The following WDR19 variants were observed in gnomAD, a reference collection of about 807,000 sequenced individuals.
The protein encoded by WDR19 is WD repeat domain 19, also known as WD repeat-containing protein 19.
A neutral mutation model predicts 180.0 loss-of-function variants in WDR19; 121 were observed. That is an observed-to-expected ratio of 0.67 (90% CI 0.58 to 0.78). The LOEUF is 0.78. Ranked by LOEUF, WDR19 falls within the 30% of genes least tolerant of loss-of-function variation. The pLI is 0.00. For synonymous variants in WDR19, 497 were observed against 540.7 expected, an observed-to-expected ratio of 0.92 and a Z score of 1.12; for missense variants, 1,450 against 1,640.7, an observed-to-expected ratio of 0.88 and a Z score of 2.01.
intron 8 of WDR19, 101 bp downstream of exon 8, chr4:39,205,367 AT>A: frequency 8.1e-7 from 1 of 1,237,276 alleles, no homozygotes; most frequent in Non-Finnish European, 1.1e-6. Context: ...GTAACATTCA[AT>A]TCTATACGTC....
intron 36 of WDR19, among the ~76,000 whole-genome samples, chr4:39,284,775 A>G (rs1244301001): frequency 1.3e-5 from 2 of 152,124 alleles, no homozygotes; most frequent in East Asian, 1.9e-4. Context: ...AACACTATCA[A>G]TCAATCATGG....
intron 33 of WDR19, 50 bp from the exon 34 acceptor site, chr4:39,276,970 C>T (rs374855680): frequency 1.2e-5 from 20 of 1,606,544 alleles, no homozygotes; most frequent in South Asian, 6.7e-5. Context: ...TTGCCATCCC[C>T]GGTACATGAA....
chr4:39,285,162 C>CTGTT (rs903854259), intron 36 of WDR19, among the ~76,000 whole-genome samples: 1 of 151,886 alleles, frequency 6.6e-6, no homozygotes, highest in Non-Finnish European at 1.5e-5. Context: ...ACAAATATAA[C>CTGTT]TGTTTAATTT....
At chr4:39,210,130 C>A (rs921077358) in intron 9 of WDR19, among the ~76,000 whole-genome samples, 1 of 152,134 alleles carries the variant, frequency 6.6e-6, no homozygotes, top group African/African-American at 2.4e-5. Flanking sequence ...TTAAAAATCT[C>A]TTCTAGAAAA....
chr4:39,282,345 A>G (rs956932532), intron 36 of WDR19, among the ~76,000 whole-genome samples: 6 of 152,190 alleles, frequency 3.9e-5, no homozygotes, highest in African/African-American at 1.2e-4. Context: ...TGAATATGGT[A>G]TATCTCTACA....
chr4:39,205,905 A>G, intron 9 of WDR19, 169 bp downstream of exon 9: 4 of 639,814 alleles, frequency 6.3e-6, no homozygotes, highest in South Asian at 2.5e-5. Context: ...AAAACAAAGT[A>G]TAGTTGAAAA....
intron 28 of WDR19, among the ~76,000 whole-genome samples, chr4:39,259,204 G>C (rs1734047048): frequency 6.6e-6 from 1 of 152,196 alleles, no homozygotes; most frequent in Non-Finnish European, 1.5e-5. Flanking sequence ...TTAGGTATAT[G>C]GTGTAAGGTA....
intron 30 of WDR19, among the ~76,000 whole-genome samples, chr4:39,268,987 TTGAAAGGA>T (rs1452153386): frequency 1.3e-5 from 2 of 151,802 alleles, no homozygotes; most frequent in African/African-American, 4.8e-5. Flanking sequence ...TACCTGAGTT[TTGAAAGGA>T]TGGGGGAGCA....
intron 27 of WDR19, among the ~76,000 whole-genome samples, 154 bp downstream of exon 27, chr4:39,256,114 C>A (rs954139357): frequency 1.4e-4 from 20 of 141,390 alleles, no homozygotes; most frequent in African/African-American, 5.1e-4. Flanking sequence ...ATATTCCTCT[C>A]CCTCCCACAC....
intron 5 of WDR19, among the ~76,000 whole-genome samples, chr4:39,196,091 T>A (rs4974924): frequency 0.3 from 45,222 of 151,958 alleles, 6,788 homozygotes; most frequent in Non-Finnish European, 0.31. Flanking sequence ...ATCTTCCTAC[T>A]TGTCATTGTA....
In WDR19 at chr4:39,182,579, A is replaced by C; in HGVS notation, c.6+16A>C. ...GGAGATGAAGGTAAATAACTTACAA[A>C]TTCCCGGGGTGGGGCGGGAAAACGC... On this transcript the variant is annotated intron_variant, in intron 1 of 36. Transcript: ENST00000399820. 6.2e-7 allele frequency: 1 copy of C among 1,613,614 alleles called. No individual in the cohort carries two copies. The highest frequency in any genetic ancestry group is 8.5e-7 in the Non-Finnish European group (1 of 1,179,702).
intron 1 of WDR19, among the ~76,000 whole-genome samples, chr4:39,185,050 T>C (rs1003676578): frequency 2.0e-5 from 3 of 152,212 alleles, no homozygotes. Flanking sequence ...TTTTTCCAGT[T>C]GTTGAAATCT....
Position 39,234,834 on chromosome 4 carries a change from A to T in WDR19, c.2322A>T (p.Ile774=). 6.3e-7 allele frequency: 1 copy of T among 1,576,894 alleles called. No individual in the cohort carries two copies. Among genetic ancestry groups the T allele is most frequent in the Non-Finnish European group, 8.6e-7 (1 of 1,160,036 alleles). The change falls in exon 20 of 37, where the codon ATA becomes ATT. Residue 774 remains isoleucine (I), a synonymous_variant. Coordinates refer to ENST00000399820, the MANE Select transcript of WDR19 (RefSeq NM_025132.4). ...CAAAGCATTTGGCCCCAGACCAGAT[A>T]CCTTTTATATCAAAAGAATATGCTA... ...QLAKHLAPDQ[I]PFISKEYAIQ... is the part of the protein sequence containing the mutation.
chr4:39,271,533 C>G (rs115952122), intron 31 of WDR19, among the ~76,000 whole-genome samples: 3,501 of 152,174 alleles, frequency 0.023, 131 homozygotes, highest in African/African-American at 0.08. Context: ...CACACCATGG[C>G]ACTCCAGCCT....
In WDR19 at chr4:39,272,585, C is replaced by T. The variant is rs182907098; in HGVS notation, c.3484-395C>T. Reference sequence around the variant, plus strand: ...CTCAGGCCTTCTGCCCGTCATTGCCCTCTTAGCACAGACACGGCGCCTTTC... The same window carrying T: ...CTCAGGCCTTCTGCCCGTCATTGCCTTCTTAGCACAGACACGGCGCCTTTC... On this transcript the variant is annotated intron_variant, in intron 31 of 36. Coordinates refer to ENST00000399820, the MANE Select transcript of WDR19 (RefSeq NM_025132.4). 9.7e-4 allele frequency among the ~76,000 whole-genome samples: 148 copies of T among 152,370 alleles called. No individual in the cohort carries two copies. In the Middle Eastern group the frequency reaches 0.01, roughly 11 times the overall value.
chr4:39,199,633 T>C (rs1474638565), intron 6 of WDR19, 40 bp downstream of exon 6: 2 of 1,494,370 alleles, frequency 1.3e-6, no homozygotes, highest in Non-Finnish European at 1.8e-6. Context: ...ATATTCAAGC[T>C]TTCCCCCCAA....
At chr4:39,272,108 T>A (rs945822611) in intron 31 of WDR19, among the ~76,000 whole-genome samples, 1 of 151,826 alleles carries the variant, frequency 6.6e-6, no homozygotes, top group African/African-American at 2.4e-5. Flanking sequence ...AAGAAGGGGG[T>A]TTGAAGGAGA....
At chr4:39,224,650 G>T (rs552246319) in intron 14 of WDR19, among the ~76,000 whole-genome samples, 1 of 152,076 alleles carries the variant, frequency 6.6e-6, no homozygotes, top group Non-Finnish European at 1.5e-5. Context: ...CCCGTCGTGG[G>T]CTCCCAAAGT....
intron 9 of WDR19, among the ~76,000 whole-genome samples, chr4:39,209,362 T>G (rs1253826989): frequency 1.3e-5 from 2 of 152,090 alleles, no homozygotes; most frequent in African/African-American, 4.8e-5. Flanking sequence ...TTTATAGCAC[T>G]AAATGTTTAC....
Sources: allele counts gnomAD v4.1 joint callset (sites outside exome capture counted in the v4.1 genomes callset), GRCh38; gene constraint gnomAD v4.1.1; transcripts MANE v1.5; gene names NCBI Gene and HGNC (gene_info 2026-07-23, HGNC 2026-07-21).